Variants in NBEA observed in about 807,000 individuals in gnomAD.
NBEA encodes the protein lysosomal-trafficking regulator 2.
Under a neutral mutation model 343.4 loss-of-function variants are expected in NBEA, and 44 were observed. The observed-to-expected ratio is 0.13, with a 90% CI of 0.10 to 0.16. The LOEUF (loss-of-function observed/expected upper bound fraction) is 0.16, where lower values mean the gene tolerates loss of function less well. Ranked by LOEUF, NBEA falls within the 10% of genes least tolerant of loss-of-function variation. The pLI, the probability that NBEA is intolerant of heterozygous loss-of-function variation, is 1.00. For synonymous variants in NBEA, 1,175 were observed against 1,238.7 expected, an observed-to-expected ratio of 0.95 and a Z score of 1.08; for missense variants, 2,555 against 3,631.3, an observed-to-expected ratio of 0.70 and a Z score of 7.62.
chr13:35,414,795 G>A (rs1336947811), intron 38 of NBEA, among the ~76,000 whole-genome samples: 2 of 152,174 alleles, frequency 1.3e-5, no homozygotes, highest in African/African-American at 4.8e-5. Context: ...AGATCCCTGA[G>A]GAATCGCCAC....
At chr13:35,400,315 C>T (rs574576939) in intron 38 of NBEA, among the ~76,000 whole-genome samples, 1 of 151,394 alleles carries the variant, frequency 6.6e-6, no homozygotes, top group South Asian at 2.1e-4. Flanking sequence ...ATTTATTGAG[C>T]CTCCTTTCCT....
chr13:35,429,755 CTT>C (rs1468601123), intron 38 of NBEA, among the ~76,000 whole-genome samples: 1 of 150,272 alleles, frequency 6.7e-6, no homozygotes, highest in Non-Finnish European at 1.5e-5. Context: ...AATGTGTAGT[CTT>C]TTATTTCTCA....
intron 39 of NBEA, among the ~76,000 whole-genome samples, chr13:35,451,001 T>G (rs1019616431): frequency 2.0e-5 from 3 of 152,244 alleles, no homozygotes; most frequent in African/African-American, 7.2e-5. Context: ...GTCAAATTCT[T>G]GAGGGATTCA....
intron 1 of NBEA, among the ~76,000 whole-genome samples, chr13:34,957,662 G>A (rs1270342455): frequency 6.6e-6 from 1 of 151,598 alleles, no homozygotes; most frequent in Non-Finnish European, 1.5e-5. Context: ...TCTATTTATA[G>A]GCTTCTAGAG....
chr13:35,611,720 A>C (rs2082531885), intron 48 of NBEA, among the ~76,000 whole-genome samples: 1 of 152,190 alleles, frequency 6.6e-6, no homozygotes. Context: ...AGATTCACCC[A>C]TGTTGTAGCA....
At chr13:35,295,516 A>G (rs2036068336) in intron 35 of NBEA, among the ~76,000 whole-genome samples, 1 of 152,140 alleles carries the variant, frequency 6.6e-6, no homozygotes, top group African/African-American at 2.4e-5. Flanking sequence ...TATTGCCATA[A>G]AAGTTTGTAA....
chr13:35,088,196 A>G (rs1042681393), intron 10 of NBEA, among the ~76,000 whole-genome samples: 1 of 151,852 alleles, frequency 6.6e-6, no homozygotes, highest in Admixed American at 6.6e-5. Flanking sequence ...TTAAGGGGAG[A>G]ACTTCAGTGA....
intron 1 of NBEA, among the ~76,000 whole-genome samples, chr13:35,011,226 G>C (rs1435957602): frequency 1.3e-5 from 2 of 152,092 alleles, no homozygotes; most frequent in African/African-American, 4.8e-5. Flanking sequence ...ATCAATAAGA[G>C]TAAGAATGGT....
intron 55 of NBEA, among the ~76,000 whole-genome samples, chr13:35,661,087 C>T (rs1410477997): frequency 2.0e-5 from 3 of 152,144 alleles, no homozygotes; most frequent in Non-Finnish European, 4.4e-5. Context: ...TACTCGGCCT[C>T]GGCTTTTCCT....
chr13:35,210,586 T>C (rs566460777), intron 32 of NBEA, among the ~76,000 whole-genome samples: 1 of 152,310 alleles, frequency 6.6e-6, no homozygotes, highest in Admixed American at 6.5e-5. Context: ...ATGTAACTCA[T>C]TATAGCCCTT....
Position 35,341,609 on chromosome 13 carries a change from A to T in NBEA, c.5904-7499A>T, listed in dbSNP as rs527866439. On this transcript the variant is annotated intron_variant, in intron 36 of 58. Transcript: ENST00000379939. ...ATACAAGTAGACATTTCTCCAAAGA[A>T]GACATACAGGTGGCCAATGGACACA... 6.6e-4 allele frequency among the ~76,000 whole-genome samples: 101 copies of T among 152,218 alleles called. 1 individual carries two copies. Among genetic ancestry groups the T allele is most frequent in the African/African-American group, 2.4e-3 (99 of 41,572 alleles).
At chr13:35,655,052 T>C (rs1199166631) in intron 54 of NBEA, 42 bp downstream of exon 54, 2 of 1,397,980 alleles carry the variant, frequency 1.4e-6, no homozygotes, top group Non-Finnish European at 1.9e-6. Flanking sequence ...TCAAAATGAC[T>C]ATTGTTAAAA....
Position 34,942,956 on chromosome 13 carries a change from A to AGGG in NBEA, c.140_142dup (p.Gly47dup). The AGGG allele has an allele frequency of 1.3e-6, 2 of 1,583,332 alleles. No homozygotes were observed. Among genetic ancestry groups the AGGG allele is most frequent in the Non-Finnish European group, 1.7e-6 (2 of 1,166,048 alleles). On this transcript the variant is annotated inframe_insertion, in exon 1 of 59. Coordinates refer to ENST00000379939, the MANE Select transcript of NBEA (RefSeq NM_001385012.1). ...CGGGGGCAGCGGGATGGGGGAGCTAAGGGGGGCGTCCGGCTCCGGCTCGGT... is the reference window on the plus strand; with the variant it reads ...CGGGGGCAGCGGGATGGGGGAGCTAAGGGGGGGGGCGTCCGGCTCCGGCTCGGT...
chr13:35,255,922 G>C (rs2032535316), intron 34 of NBEA, among the ~76,000 whole-genome samples: 1 of 152,266 alleles, frequency 6.6e-6, no homozygotes, highest in South Asian at 2.1e-4. Flanking sequence ...GCTTCACTGA[G>C]TGACAGAACA....
At chr13:35,658,466 C>T (rs1028483877) in intron 55 of NBEA, among the ~76,000 whole-genome samples, 1 of 152,094 alleles carries the variant, frequency 6.6e-6, no homozygotes, top group Non-Finnish European at 1.5e-5. Context: ...GTGTTGGGTG[C>T]CTACTGTGTG....
At chr13:35,232,662 A>C in intron 34 of NBEA, 43 bp downstream of exon 34, 1 of 1,349,958 alleles carries the variant, frequency 7.4e-7, no homozygotes. Flanking sequence ...CCTATAATGT[A>C]TGTATTAATC....
intron 38 of NBEA, among the ~76,000 whole-genome samples, chr13:35,409,083 C>A (rs141689355): frequency 6.6e-6 from 1 of 152,066 alleles, no homozygotes; most frequent in African/African-American, 2.4e-5. Flanking sequence ...AGGAAAGATA[C>A]GGAATCAACC....
intron 24 of NBEA, among the ~76,000 whole-genome samples, chr13:35,166,250 T>C (rs1302096737): frequency 6.6e-6 from 1 of 152,204 alleles, no homozygotes; most frequent in Non-Finnish European, 1.5e-5. Context: ...TTCACATTAC[T>C]AAATAGTTTT....
At chr13:35,417,741 T>C (rs987803772) in intron 38 of NBEA, among the ~76,000 whole-genome samples, 2 of 152,168 alleles carry the variant, frequency 1.3e-5, no homozygotes, top group African/African-American at 4.8e-5. Flanking sequence ...TCTGTAGATG[T>C]CTATTAGGTC....
Sources: gnomAD v4.1 joint callset for allele counts (sites outside exome capture counted in the v4.1 genomes callset) on GRCh38, gnomAD v4.1.1 for gene constraint, MANE v1.5 for transcripts, NCBI Gene and HGNC (gene_info 2026-07-23, HGNC 2026-07-21) for gene names.